UNC5C: variants seen among roughly 807,000 people sequenced by gnomAD.
UNC5C encodes netrin receptor UNC5C.
In UNC5C, 47 loss-of-function variants were observed where a neutral mutation model predicts 99.8. That is an observed-to-expected ratio of 0.47 (90% CI 0.37 to 0.60). The LOEUF (loss-of-function observed/expected upper bound fraction) is 0.60, where lower values mean the gene tolerates loss of function less well. UNC5C is among the 20% of genes least tolerant of loss of function. The pLI is 0.00. For synonymous variants in UNC5C, 487 were observed against 452.2 expected (o/e 1.08, Z -0.98); for missense variants, 1,062 against 1,165.9 (o/e 0.91, Z 1.30).
Position 95,316,723 on chromosome 4 carries a change from T to C in UNC5C, c.347-14974A>G, listed in dbSNP as rs146445716. Among the ~76,000 whole-genome samples the C allele has an allele frequency of 1.8e-4, 28 of 152,284 alleles. No individual in the cohort carries two copies. The East Asian group carries it at 5.0e-3, about 27-fold the overall frequency. ...TGTCCATAATCCAATATCTGCATACTCCTTACATCTATACTTAAATAATAT... is the reference window on the plus strand; with the variant it reads ...TGTCCATAATCCAATATCTGCATACCCCTTACATCTATACTTAAATAATAT... On this transcript the variant is annotated intron_variant, in intron 2 of 15. Transcript: ENST00000453304.
intron 1 of UNC5C, among the ~76,000 whole-genome samples, chr4:95,341,583 G>A (rs1389975205): frequency 6.6e-6 from 1 of 151,790 alleles, no homozygotes; most frequent in African/African-American, 2.4e-5. Context: ...AGGGAGGAAG[G>A]GAGGGGAGGA....
At chr4:95,200,213 A>G (rs1182303431) in intron 12 of UNC5C, among the ~76,000 whole-genome samples, 1 of 152,254 alleles carries the variant, frequency 6.6e-6, no homozygotes, top group Non-Finnish European at 1.5e-5. Context: ...CGGAAGCTCC[A>G]GATGGAAATA....
intron 1 of UNC5C, among the ~76,000 whole-genome samples, chr4:95,380,335 G>A (rs1745033178): frequency 2.0e-5 from 3 of 151,950 alleles, no homozygotes; most frequent in Admixed American, 6.6e-5. Context: ...TCATTAACAT[G>A]GTCAAATTTA....
intron 1 of UNC5C, among the ~76,000 whole-genome samples, chr4:95,523,278 G>A (rs7676352): frequency 0.74 from 112,631 of 152,054 alleles, 45,221 homozygotes; most frequent in Non-Finnish European, 0.89. Flanking sequence ...TCCTTGGAGA[G>A]GGGAGAAGGG....
intron 12 of UNC5C, among the ~76,000 whole-genome samples, chr4:95,199,990 T>G (rs1038983698): frequency 6.6e-6 from 1 of 152,212 alleles, no homozygotes; most frequent in Non-Finnish European, 1.5e-5. Flanking sequence ...CAGGCTTGAC[T>G]ATCAAAATTA....
intron 2 of UNC5C, among the ~76,000 whole-genome samples, chr4:95,334,757 G>C (rs1743266968): frequency 6.6e-6 from 1 of 151,830 alleles, no homozygotes; most frequent in Non-Finnish European, 1.5e-5. Context: ...GCAAAGTCAG[G>C]AGTTTTAACC....
chr4:95,503,272 C>T (rs1436235969), intron 1 of UNC5C, among the ~76,000 whole-genome samples: 1 of 152,008 alleles, frequency 6.6e-6, no homozygotes, highest in East Asian at 1.9e-4. Context: ...CATGGAATAA[C>T]ACAGCAAGAA....
intron 4 of UNC5C, among the ~76,000 whole-genome samples, chr4:95,265,665 A>C (rs1740418005): frequency 6.6e-6 from 1 of 152,222 alleles, no homozygotes; most frequent in South Asian, 2.1e-4. Flanking sequence ...GAGATCACAC[A>C]GACAATTTGT....
At chr4:95,174,550 G>A (rs1487955157) in intron 14 of UNC5C, among the ~76,000 whole-genome samples, 4 of 152,254 alleles carry the variant, frequency 2.6e-5, no homozygotes, top group Middle Eastern at 3.4e-3. Context: ...TAGTTGAGCG[G>A]TTTTGAGTGA....
chr4:95,528,133 T>G (rs1469102513), intron 1 of UNC5C, among the ~76,000 whole-genome samples: 1 of 152,250 alleles, frequency 6.6e-6, no homozygotes, highest in African/African-American at 2.4e-5. Flanking sequence ...AATCTGTTTA[T>G]GTTTTGAAAC....
At chr4:95,369,063 T>G (rs1019751809) in intron 1 of UNC5C, among the ~76,000 whole-genome samples, 1 of 151,896 alleles carries the variant, frequency 6.6e-6, no homozygotes, top group Non-Finnish European at 1.5e-5. Flanking sequence ...CTCACTATGT[T>G]GATCAAACTG....
At chr4:95,538,236 A>G (rs970616747) in intron 1 of UNC5C, among the ~76,000 whole-genome samples, 1 of 152,256 alleles carries the variant, frequency 6.6e-6, no homozygotes, top group Non-Finnish European at 1.5e-5. Context: ...ATGTACATTT[A>G]GCTGACACTG....
chr4:95,474,624 T>A (rs917352906), intron 1 of UNC5C, among the ~76,000 whole-genome samples: 1 of 152,100 alleles, frequency 6.6e-6, no homozygotes, highest in African/African-American at 2.4e-5. Context: ...CTGACTAACT[T>A]GTTAAAAACT....
intron 1 of UNC5C, among the ~76,000 whole-genome samples, chr4:95,524,185 A>G (rs1285127781): frequency 6.6e-6 from 1 of 152,206 alleles, no homozygotes; most frequent in African/African-American, 2.4e-5. Flanking sequence ...TAAGGGTGTT[A>G]GGGTAAGATT....
intron 7 of UNC5C, among the ~76,000 whole-genome samples, chr4:95,236,612 A>G (rs1250354828): frequency 1.5e-5 from 2 of 131,494 alleles, no homozygotes; most frequent in African/African-American, 5.1e-5. Context: ...AAAGAAAAAA[A>G]AGAATAGAAA....
chr4:95,415,914 G>T (rs1005005086), intron 1 of UNC5C, among the ~76,000 whole-genome samples: 104 of 147,094 alleles, frequency 7.1e-4, no homozygotes, highest in Non-Finnish European at 1.2e-3. Flanking sequence ...TAAAATTGTT[G>T]TTTTTTTTTT....
chr4:95,269,634 G>A (rs1740581451), intron 4 of UNC5C, among the ~76,000 whole-genome samples: 1 of 151,938 alleles, frequency 6.6e-6, no homozygotes, highest in South Asian at 2.1e-4. Flanking sequence ...AGAGTTCTGG[G>A]TCTGAGATTC....
intron 1 of UNC5C, among the ~76,000 whole-genome samples, chr4:95,416,899 A>G (rs185540429): frequency 1.8e-4 from 28 of 152,342 alleles, no homozygotes; most frequent in Non-Finnish European, 3.8e-4. Context: ...CTGAATGCAT[A>G]TATTAGAGCT....
chr4:95,235,334 G>C (rs562312597), intron 7 of UNC5C, among the ~76,000 whole-genome samples: 1 of 152,142 alleles, frequency 6.6e-6, no homozygotes, highest in South Asian at 2.1e-4. Context: ...AGGGTTGTTT[G>C]TTTTTTTCTT....
Sources: allele counts gnomAD v4.1 joint callset (sites outside exome capture counted in the v4.1 genomes callset), GRCh38; gene constraint gnomAD v4.1.1; transcripts MANE v1.5; gene names NCBI Gene and HGNC (gene_info 2026-07-23, HGNC 2026-07-21).